CNTN6: variants seen among roughly 807,000 people sequenced by gnomAD.
The protein encoded by CNTN6 is contactin-6.
In CNTN6, 137 loss-of-function variants were observed where a neutral mutation model predicts 122.8. That is an observed-to-expected ratio of 1.12 (90% confidence interval 0.97 to 1.29). The LOEUF is 1.29. Ranked by LOEUF, CNTN6 falls within the 50% of genes most tolerant of loss-of-function variation. CNTN6 has a pLI of 0.00. For missense variants in CNTN6, 1,634 were observed against 1,223.4 expected (o/e 1.34, Z -5.01); for synonymous variants, 570 against 426.0 (o/e 1.34, Z -4.16).
chr3:1,258,333 C>T (rs972747642), intron 4 of CNTN6, among the ~76,000 whole-genome samples: 1 of 152,036 alleles, frequency 6.6e-6, no homozygotes, highest in African/African-American at 2.4e-5. Context: ...TTTTTTGGTG[C>T]TGCTGCTACT....
At chr3:1,325,161 G>A (rs909115482) in intron 8 of CNTN6, among the ~76,000 whole-genome samples, 1 of 151,734 alleles carries the variant, frequency 6.6e-6, no homozygotes, top group African/African-American at 2.4e-5. Flanking sequence ...CCAGTTTCTT[G>A]TTGTCTCACT....
chr3:1,257,607 C>T (rs1190692124), intron 4 of CNTN6, among the ~76,000 whole-genome samples: 1 of 152,090 alleles, frequency 6.6e-6, no homozygotes, highest in Non-Finnish European at 1.5e-5. Context: ...TGACAGAGCC[C>T]ATTTTCTACT....
At chr3:1,134,149 C>G (rs1018326773) in intron 1 of CNTN6, among the ~76,000 whole-genome samples, 17 of 152,144 alleles carry the variant, frequency 1.1e-4, no homozygotes, top group African/African-American at 3.6e-4. Context: ...CGTCTATGTG[C>G]TTTTGATCCG....
intron 4 of CNTN6, among the ~76,000 whole-genome samples, chr3:1,272,905 CTTAATT>C (rs1162512713): frequency 6.6e-6 from 1 of 152,162 alleles, no homozygotes; most frequent in Non-Finnish European, 1.5e-5. Context: ...TTGCCTGAAC[CTTAATT>C]TTAAGTACAT....
chr3:1,359,440 T>A (rs944096263), intron 12 of CNTN6, among the ~76,000 whole-genome samples: 2 of 152,096 alleles, frequency 1.3e-5, no homozygotes, highest in Non-Finnish European at 2.9e-5. Context: ...GTTTTTCACT[T>A]GTTTCTTTTA....
intron 5 of CNTN6, among the ~76,000 whole-genome samples, chr3:1,280,716 C>T (rs1448889099): frequency 2.0e-5 from 3 of 151,928 alleles, no homozygotes; most frequent in Non-Finnish European, 4.4e-5. Context: ...CTGCCCACCT[C>T]GGCCTCCCAA....
intron 12 of CNTN6, among the ~76,000 whole-genome samples, chr3:1,359,584 A>G (rs1173784733): frequency 6.6e-6 from 1 of 152,082 alleles, no homozygotes; most frequent in African/African-American, 2.4e-5. Flanking sequence ...TTGAAATTAA[A>G]TTTTACTCTG....
intron 7 of CNTN6, among the ~76,000 whole-genome samples, chr3:1,303,118 T>C (rs1697713638): frequency 6.6e-6 from 1 of 152,132 alleles, no homozygotes; most frequent in South Asian, 2.1e-4. Flanking sequence ...TCTTAGAGTT[T>C]TCTTCTCTGT....
At chr3:1,243,468 A>ATT (rs1358220485) in intron 4 of CNTN6, among the ~76,000 whole-genome samples, 2 of 152,018 alleles carry the variant, frequency 1.3e-5, no homozygotes, top group African/African-American at 4.8e-5. Context: ...CCGGAATTTA[A>ATT]TTTTTGGAGT....
intron 4 of CNTN6, among the ~76,000 whole-genome samples, chr3:1,275,486 C>G (rs1359013966): frequency 1.3e-5 from 2 of 152,186 alleles, no homozygotes; most frequent in Non-Finnish European, 2.9e-5. Context: ...TTCTCTACCT[C>G]TAAATATGGA....
intron 2 of CNTN6, among the ~76,000 whole-genome samples, chr3:1,150,471 TC>T (rs1384634663): frequency 2.7e-4 from 41 of 152,146 alleles, no homozygotes; most frequent in African/African-American, 9.9e-4. Flanking sequence ...AACTACAACT[TC>T]TAGTGCTTTT....
chr3:1,194,547 C>T (rs965666838), intron 2 of CNTN6, among the ~76,000 whole-genome samples: 7 of 151,906 alleles, frequency 4.6e-5, no homozygotes, highest in African/African-American at 1.7e-4. Context: ...TTTTCATTTA[C>T]CATATACTTA....
chr3:1,305,562 C>T (rs1272165545), intron 7 of CNTN6, among the ~76,000 whole-genome samples: 3 of 152,044 alleles, frequency 2.0e-5, no homozygotes, highest in South Asian at 2.1e-4. Flanking sequence ...TAGATATGTA[C>T]GTCTCCTTTG....
At chr3:1,386,788 C>A (rs534679175) in intron 20 of CNTN6, among the ~76,000 whole-genome samples, 2 of 151,816 alleles carry the variant, frequency 1.3e-5, no homozygotes, top group Admixed American at 1.3e-4. Flanking sequence ...GTGCCACTTA[C>A]AAAAATCTAG....
At chr3:1,108,899 T>C (rs931945730) in intron 1 of CNTN6, among the ~76,000 whole-genome samples, 25 of 152,030 alleles carry the variant, frequency 1.6e-4, no homozygotes, top group Non-Finnish European at 1.5e-4. Context: ...TGTCAGACTG[T>C]TTAGACACTT....
intron 12 of CNTN6, among the ~76,000 whole-genome samples, chr3:1,370,990 G>A (rs4684938): frequency 0.095 from 14,388 of 152,060 alleles, 918 homozygotes; most frequent in Middle Eastern, 0.15. Context: ...GAACTATAGC[G>A]TGTGTTTTTA....
At chr3:1,100,372 T>C (rs913301421) in intron 1 of CNTN6, among the ~76,000 whole-genome samples, 1 of 152,172 alleles carries the variant, frequency 6.6e-6, no homozygotes, top group African/African-American at 2.4e-5. Flanking sequence ...GAGGGGACTG[T>C]TTATGATGTA....
intron 2 of CNTN6, among the ~76,000 whole-genome samples, chr3:1,217,728 G>T (rs1168227694): frequency 6.6e-6 from 1 of 152,158 alleles, no homozygotes; most frequent in African/African-American, 2.4e-5. Context: ...TCTGGTGCCT[G>T]CTGGTGCCTT....
intron 2 of CNTN6, among the ~76,000 whole-genome samples, chr3:1,212,874 T>C (rs1230526138): frequency 6.6e-6 from 1 of 152,086 alleles, no homozygotes; most frequent in Non-Finnish European, 1.5e-5. Flanking sequence ...TAGTTGAAAC[T>C]AGACTTTTTA....
Sources: gnomAD v4.1 joint callset for allele counts (sites outside exome capture counted in the v4.1 genomes callset) on GRCh38, gnomAD v4.1.1 for gene constraint, MANE v1.5 for transcripts, NCBI Gene and HGNC (gene_info 2026-07-23, HGNC 2026-07-21) for gene names.